The following FMN2 variants were observed in gnomAD, a reference collection of about 807,000 sequenced individuals.
FMN2 encodes the protein formin 2.
FMN2 carries 51 observed loss-of-function variants against 142.3 expected under a neutral mutation model. The ratio of observed to expected loss-of-function variants is 0.36; its 90% CI spans 0.29 to 0.45. FMN2 has a LOEUF of 0.45. Among genes scored for constraint, FMN2 ranks in the 20% least tolerant of loss-of-function variants. The pLI is 1.00. For synonymous variants in FMN2, 882 were observed against 869.8 expected (o/e 1.01, Z -0.25); for missense variants, 1,936 against 2,122.8 (o/e 0.91, Z 1.73).
chr1:240,454,760 G>A (rs1238716130), intron 16 of FMN2, among the ~76,000 whole-genome samples: 1 of 152,142 alleles, frequency 6.6e-6, no homozygotes, highest in East Asian at 1.9e-4. Context: ...TGGGAGCATT[G>A]AAAATAGAAA....
chr1:240,455,158 G>GT (rs1397441030), intron 16 of FMN2, among the ~76,000 whole-genome samples: 1 of 131,220 alleles, frequency 7.6e-6, no homozygotes, highest in African/African-American at 2.8e-5. Context: ...CTTAAGAGAG[G>GT]TGAGAACATG....
intron 6 of FMN2, among the ~76,000 whole-genome samples, chr1:240,228,328 A>AAAAAAAAAAAAAAAAAAAAAAG (rs1558380489): frequency 6.0e-5 from 4 of 66,366 alleles, no homozygotes; most frequent in Non-Finnish European, 1.1e-4. Context: ...AAAAAAAAAA[A>AAAAAAAAAAAAAAAAAAAAAAG]AAAAGAAAAA....
intron 15 of FMN2, among the ~76,000 whole-genome samples, chr1:240,429,940 C>T (rs1023735706): frequency 9.4e-5 from 14 of 149,644 alleles, no homozygotes; most frequent in Non-Finnish European, 1.3e-4. Context: ...GGCTGGAGTG[C>T]AGTGGTGCGA....
chr1:240,170,156 C>T (rs1316522388), intron 2 of FMN2: 2 of 850,134 alleles, frequency 2.4e-6, no homozygotes, highest in Non-Finnish European at 3.8e-6. Flanking sequence ...TGGCGCCGAC[C>T]AGAACCCGTG....
intron 4 of FMN2, among the ~76,000 whole-genome samples, chr1:240,195,543 A>C (rs765743248): frequency 2.6e-5 from 4 of 152,238 alleles, no homozygotes; most frequent in Non-Finnish European, 4.4e-5. Context: ...TTTCAGCAGG[A>C]ACACACATTT....
intron 10 of FMN2, 75 bp from the exon 11 acceptor site, chr1:240,330,528 T>C (rs1042418279): frequency 7.5e-5 from 111 of 1,470,860 alleles, no homozygotes; most frequent in Non-Finnish European, 9.7e-5. Context: ...TATAAATAGC[T>C]GGCATCAACT....
intron 8 of FMN2, among the ~76,000 whole-genome samples, chr1:240,298,429 A>T (rs1470536053): frequency 2.0e-5 from 3 of 152,220 alleles, no homozygotes; most frequent in Non-Finnish European, 4.4e-5. Flanking sequence ...CCTAGAGTTA[A>T]GTAGTATTTG....
intron 8 of FMN2, among the ~76,000 whole-genome samples, chr1:240,323,169 TTCTC>T (rs368277071): frequency 5.3e-5 from 8 of 150,992 alleles, no homozygotes; most frequent in African/African-American, 1.7e-4. Flanking sequence ...CTTTCTCTCT[TTCTC>T]TCTCTTTTCT....
At chr1:240,268,269 G>A (rs768473889) in intron 7 of FMN2, among the ~76,000 whole-genome samples, 8 of 151,986 alleles carry the variant, frequency 5.3e-5, no homozygotes, top group Non-Finnish European at 1.0e-4. Context: ...TTATTTTTCC[G>A]TCAGTTTTCA....
chr1:240,246,589 A>G (rs570955944), intron 6 of FMN2, among the ~76,000 whole-genome samples: 10 of 152,332 alleles, frequency 6.6e-5, no homozygotes, highest in African/African-American at 2.4e-4. Flanking sequence ...AAGAACTGGC[A>G]TCACCCGAAA....
intron 2 of FMN2, among the ~76,000 whole-genome samples, chr1:240,139,863 G>C (rs574432957): frequency 1.1e-4 from 16 of 152,232 alleles, no homozygotes; most frequent in South Asian, 4.2e-4. Flanking sequence ...GGAATTGAAG[G>C]TATCAGCCTA....
At chr1:240,315,734 G>T (rs763582119) in intron 8 of FMN2, among the ~76,000 whole-genome samples, 1 of 152,172 alleles carries the variant, frequency 6.6e-6, no homozygotes, top group South Asian at 2.1e-4. Flanking sequence ...ACCCGGAGAA[G>T]AAAGATCTGT....
chr1:240,180,321 A>G (rs7519493), intron 3 of FMN2: 79,764 of 384,894 alleles, frequency 0.21, 9,063 homozygotes, highest in African/African-American at 0.29. Flanking sequence ...GTAAATTTGG[A>G]GAGACACTTC....
intron 15 of FMN2, among the ~76,000 whole-genome samples, chr1:240,428,582 A>G (rs1292205459): frequency 2.0e-5 from 3 of 152,130 alleles, no homozygotes; most frequent in Non-Finnish European, 4.4e-5. Flanking sequence ...CTTCTCTGCT[A>G]TCTTCTTGGA....
chr1:240,293,619 C>G (rs184772524), intron 7 of FMN2, among the ~76,000 whole-genome samples: 107 of 152,140 alleles, frequency 7.0e-4, no homozygotes, highest in Admixed American at 2.0e-3. Flanking sequence ...TTAAAGTTCA[C>G]GATATTTTTG....
intron 1 of FMN2, among the ~76,000 whole-genome samples, chr1:240,100,498 CTCAG>C (rs1219554859): frequency 6.6e-6 from 1 of 152,090 alleles, no homozygotes; most frequent in Non-Finnish European, 1.5e-5. Context: ...AAAATATGAC[CTCAG>C]TCAGTTCGGA....
chr1:240,440,620 G>A (rs959918028), intron 16 of FMN2, among the ~76,000 whole-genome samples: 2 of 152,140 alleles, frequency 1.3e-5, no homozygotes, highest in Non-Finnish European at 2.9e-5. Context: ...AAGTGCTCTT[G>A]ACTTCAGACT....
chr1:240,177,918 T>C lies in FMN2; in HGVS notation c.1783-3T>C. On this transcript the variant is annotated splice_region_variant and splice_polypyrimidine_tract_variant and intron_variant, in intron 2 of 17. Coordinates refer to ENST00000319653, the MANE Select transcript of FMN2 (RefSeq NM_020066.5). ...TTTCAACATTTTTTATTTTTAAATA[T>C]AGCAAGATCAACTTTATACCTGGGC... 2 of 1,553,496 alleles carry C rather than the reference T, an allele frequency of 1.3e-6. No homozygotes were observed. Among genetic ancestry groups the C allele is most frequent in the Non-Finnish European group, 1.7e-6 (2 of 1,156,096 alleles).
At chr1:240,293,543 C>T (rs1669863245) in intron 7 of FMN2, among the ~76,000 whole-genome samples, 1 of 152,040 alleles carries the variant, frequency 6.6e-6, no homozygotes, top group Non-Finnish European at 1.5e-5. Flanking sequence ...ATTAGCTAAT[C>T]CTTTTTAATT....
Sources: allele counts gnomAD v4.1 joint callset (sites outside exome capture counted in the v4.1 genomes callset), GRCh38; gene constraint gnomAD v4.1.1; transcripts MANE v1.5; gene names NCBI Gene and HGNC (gene_info 2026-07-23, HGNC 2026-07-21).